CC2D1B: variants seen among roughly 807,000 people sequenced by gnomAD.
CC2D1B encodes the protein coiled-coil and C2 domain containing 1B, also known as coiled-coil and C2 domain-containing protein 1B.
A neutral mutation model predicts 110.8 loss-of-function variants in CC2D1B; 92 were observed. That is an observed-to-expected ratio of 0.83 (90% CI 0.70 to 0.99). CC2D1B has a LOEUF of 0.99. Ranked by LOEUF, CC2D1B falls within the 50% of genes least tolerant of loss-of-function variation. CC2D1B has a pLI of 0.00. For missense variants in CC2D1B, 1,136 were observed against 1,089.0 expected (o/e 1.04, Z -0.61); for synonymous variants, 406 against 429.2 (o/e 0.95, Z 0.67).
At position 52,354,692 on chromosome 1, in the gene CC2D1B, G is replaced by A. The variant is rs1189149888; in HGVS notation, c.2346C>T (p.Phe782=). Residue 782 remains phenylalanine (F), a synonymous_variant, in exon 23 of 25, where the codon TTC becomes TTT. Transcript: ENST00000284376. ...TGCCAACCAGCTTGTCGCTTCTGAA[G>A]AAGGACCTGGGGAGTCAAGAGGCAG... ...IKFEIFHKGS[F]FRSDKLVGTA... is the part of the protein sequence containing the mutation. 3.1e-6 allele frequency: 5 copies of A among 1,614,090 alleles called. No individual in the cohort carries two copies. The East Asian group carries it at 6.7e-5, about 22-fold the overall frequency.
intron 2 of CC2D1B, among the ~76,000 whole-genome samples, chr1:52,362,947 A>G (rs891759610): frequency 2.6e-5 from 4 of 152,232 alleles, no homozygotes; most frequent in Non-Finnish European, 5.9e-5. Context: ...ACCCAGTAAG[A>G]CCACACTGAA....
Position 52,359,484 on chromosome 1 carries a change from C to A in CC2D1B, c.993G>T (p.Leu331=). The change falls in exon 9 of 25, where the codon CTG becomes CTT. Residue 331 remains leucine, a synonymous_variant. Coordinates refer to ENST00000284376, the MANE Select transcript of CC2D1B (RefSeq NM_001330585.2). ...EALEKGQPVD[L]SAMPPAPEDL... ...CCTCAGGTGCCGGGGGCATGGCACT[C>A]AGATCCACGGGCTGCCCCTTCTCCA... 1 of 1,614,130 alleles carries A rather than the reference C, an allele frequency of 6.2e-7. No individual in the cohort carries two copies. Among genetic ancestry groups the A allele is most frequent in the Non-Finnish European group, 8.5e-7 (1 of 1,180,026 alleles).
At chr1:52,355,910 G>A (rs975422807) in intron 18 of CC2D1B, 66 bp from the exon 19 acceptor site, 16 of 1,519,600 alleles carry the variant, frequency 1.1e-5, no homozygotes, top group South Asian at 5.6e-5. Flanking sequence ...AGGTCCCTTC[G>A]TCCAGGGCCT....
At position 52,355,419 on chromosome 1, in the gene CC2D1B, C is replaced by T; in HGVS notation, c.2218G>A (p.Val740Met). The change falls in exon 21 of 25, where the codon GTG (valine) becomes ATG (methionine). Residue 740 changes from valine to methionine, a missense_variant. Transcript: ENST00000284376. Reference protein sequence around the residue: ...DQAQKSKTAVVKNTNSPEFDQ... With the variant: ...DQAQKSKTAVMKNTNSPEFDQ... ...TCACCTGGAGAGTTTGTGTTCTTCA[C>T]CACAGCTGTTTTGCTTTTTTGAGCC... 1 of 1,614,138 alleles carries T rather than the reference C, an allele frequency of 6.2e-7. No individual in the cohort carries two copies. Among genetic ancestry groups the T allele is most frequent in the Non-Finnish European group, 8.5e-7 (1 of 1,180,030 alleles).
chr1:52,355,259 A>C, intron 21 of CC2D1B, 139 bp downstream of exon 21: 1 of 884,476 alleles, frequency 1.1e-6, no homozygotes, highest in Non-Finnish European at 1.8e-6. Flanking sequence ...CTCCAACTAC[A>C]GAAGAAGCAT....
Position 52,359,698 on chromosome 1 carries a change from G to A in CC2D1B, c.942+7C>T, listed in dbSNP as rs1371421581. 1.3e-6 allele frequency: 2 copies of A among 1,592,368 alleles called. No individual in the cohort carries two copies. Among genetic ancestry groups the A allele is most frequent in the Non-Finnish European group, 1.7e-6 (2 of 1,169,298 alleles). On this transcript the variant is annotated splice_region_variant and intron_variant, in intron 8 of 24. Coordinates refer to ENST00000284376, the MANE Select transcript of CC2D1B (RefSeq NM_001330585.2). ...TGAGGGTGGGTGCCCTGAGCCAGAT[G>A]CCATACCTTCCCAATCCTCATGAGC...
At chr1:52,358,909 G>T in intron 11 of CC2D1B, 118 bp downstream of exon 11, 1 of 1,487,492 alleles carries the variant, frequency 6.7e-7, no homozygotes. Flanking sequence ...AAGAGCCCCA[G>T]AGAGACAAAC....
In CC2D1B at chr1:52,358,472, G is replaced by C. The variant is rs1378479247; in HGVS notation, c.1331-11C>G. 1 of 1,613,176 alleles carries C rather than the reference G, an allele frequency of 6.2e-7. No homozygotes were observed. The highest frequency in any genetic ancestry group is 8.5e-7 in the Non-Finnish European group (1 of 1,179,916). On this transcript the variant is annotated splice_polypyrimidine_tract_variant and intron_variant, in intron 12 of 24. Coordinates refer to ENST00000284376, the MANE Select transcript of CC2D1B (RefSeq NM_001330585.2). ...GGATGGGGGGAAATCCTGTGGGAGAGAGACAGCATGGGAGGGGCAGGGAGC... is the reference window on the plus strand; with the variant it reads ...GGATGGGGGGAAATCCTGTGGGAGACAGACAGCATGGGAGGGGCAGGGAGC...
Position 52,361,092 on chromosome 1 carries a change from TCA to T in CC2D1B, c.357_358del (p.Glu120AlafsTer5). 6.2e-7 allele frequency: 1 copy of T among 1,613,952 alleles called. No individual in the cohort carries two copies. Among genetic ancestry groups the T allele is most frequent in the South Asian group, 1.1e-5 (1 of 91,064 alleles). ...AGCTACCTCATCACCATCCAGGGGC[TCA>T]GTCTCCTCGTCCACACCTAAGACCT... On this transcript the variant is annotated frameshift_variant, in exon 5 of 25. Transcript: ENST00000284376. LOFTEE classifies it high-confidence loss of function.
Position 52,360,463 on chromosome 1 carries a change from G to A in CC2D1B, c.564C>T (p.Gly188=), listed in dbSNP as rs773419392. The A allele has an allele frequency of 6.4e-5, 104 of 1,613,790 alleles. No homozygotes were observed. Among genetic ancestry groups the A allele is most frequent in the Non-Finnish European group, 7.7e-5 (91 of 1,180,030 alleles). Residue 188 remains glycine, a synonymous_variant, in exon 6 of 25, where the codon GGC becomes GGT. Transcript: ENST00000284376. ...CGCAGCGCCTGGCTTTGGCTGCTTC[G>A]CCTGCCTCCTTGGCACTGGCCGCAG... ...REAAASAKEA[G]EAAKARRCER...
chr1:52,361,454 C>G, intron 4 of CC2D1B, 59 bp downstream of exon 4: 1 of 1,608,160 alleles, frequency 6.2e-7, no homozygotes, highest in Non-Finnish European at 8.5e-7. Context: ...CCACTGCCCT[C>G]TCCTCCACCA....
rs776442405 is a variant in CC2D1B, at chr1:52,359,009, G to A, written c.1257+18C>T. On this transcript the variant is annotated intron_variant, in intron 11 of 24. Coordinates refer to ENST00000284376, the MANE Select transcript of CC2D1B (RefSeq NM_001330585.2). ...GAAGAGGCCAGCACAGGCAGGGGCT[G>A]CATAGCCGCGGGCCCACCTTGGCAA... 4 of 1,602,656 alleles carry A rather than the reference G, an allele frequency of 2.5e-6. No individual in the cohort carries two copies. The highest frequency in any genetic ancestry group is 1.7e-5 in the Admixed American group (1 of 59,926).
intron 11 of CC2D1B, 36 bp downstream of exon 11, chr1:52,358,991 C>A (rs576935128): frequency 2.5e-6 from 4 of 1,597,748 alleles, no homozygotes; most frequent in Non-Finnish European, 3.4e-6. Context: ...AGGGAAGAGG[C>A]CAGCACAGGC....
chr1:52,359,328 G>T lies in CC2D1B; in HGVS notation c.1048C>A (p.Pro350Thr). 1 of 1,613,494 alleles carries T rather than the reference G, an allele frequency of 6.2e-7. No individual in the cohort carries two copies. The highest frequency in any genetic ancestry group is 8.5e-7 in the Non-Finnish European group (1 of 1,179,880). Residue 350 changes from proline (P) to threonine (T), a missense_variant, in exon 10 of 25, where the codon CCC becomes ACC. Transcript: ENST00000284376. ...DLKPQQASQA[P>T]TAPSVIPPAV... ...GGGGGAATGACTGAGGGTGCTGTGGGAGCCTGAGAAGCCTGCTGGGGCTTC... is the reference window on the plus strand; with the variant it reads ...GGGGGAATGACTGAGGGTGCTGTGGTAGCCTGAGAAGCCTGCTGGGGCTTC...
intron 24 of CC2D1B, 24 bp from the exon 25 acceptor site, chr1:52,353,247 G>T: frequency 7.1e-7 from 1 of 1,401,374 alleles, no homozygotes; most frequent in Non-Finnish European, 9.5e-7. Context: ...CAAAGCACAA[G>T]AAGTCAGTCT....
At chr1:52,357,279 A>C (rs889952077) in intron 15 of CC2D1B, 153 bp from the exon 16 acceptor site, 23 of 992,928 alleles carry the variant, frequency 2.3e-5, no homozygotes, top group Non-Finnish European at 3.3e-5. Context: ...CCAAAATAAC[A>C]CTCTTGCCTC....
chr1:52,357,275 T>C, intron 15 of CC2D1B, 149 bp from the exon 16 acceptor site: 1 of 1,028,584 alleles, frequency 9.7e-7, no homozygotes, highest in Admixed American at 2.6e-5. Flanking sequence ...TATCCCAAAA[T>C]AACACTCTTG....
At chr1:52,358,493 G>A in intron 12 of CC2D1B, 32 bp from the exon 13 acceptor site, 1 of 1,612,356 alleles carries the variant, frequency 6.2e-7, no homozygotes, top group Non-Finnish European at 8.5e-7. Flanking sequence ...GGAGGGGCAG[G>A]GAGCAGCCTC....
chr1:52,354,241 T>C (rs949238334), intron 23 of CC2D1B: 23 of 411,104 alleles, frequency 5.6e-5, no homozygotes, highest in Non-Finnish European at 7.9e-5. Context: ...CCAGCCTACA[T>C]AGGTTATCAG....
Sources: gnomAD v4.1 joint callset for allele counts (sites outside exome capture counted in the v4.1 genomes callset) on GRCh38, gnomAD v4.1.1 for gene constraint, MANE v1.5 for transcripts, NCBI Gene and HGNC (gene_info 2026-07-23, HGNC 2026-07-21) for gene names.